GALNT9: variants seen among roughly 807,000 people sequenced by gnomAD.
GALNT9 encodes GalNAc transferase 9.
GALNT9 carries 47 observed loss-of-function variants against 63.1 expected under a neutral mutation model. That is an observed-to-expected ratio of 0.75 (90% confidence interval 0.59 to 0.95). GALNT9 has a LOEUF of 0.95. Ranked by LOEUF, GALNT9 falls within the 40% of genes least tolerant of loss-of-function variation. GALNT9 has a pLI of 0.00. For missense variants in GALNT9, 829 were observed against 874.8 expected (o/e 0.95, Z 0.66); for synonymous variants, 396 against 365.7 (o/e 1.08, Z -0.94).
chr12:132,304,838 C>T (rs1458813589), intron 1 of GALNT9, among the ~76,000 whole-genome samples: 4 of 61,008 alleles, frequency 6.6e-5, no homozygotes, highest in Non-Finnish European at 1.2e-4. Context: ...CACCCTCGCC[C>T]GGGCACACCC....
Position 132,296,277 on chromosome 12 carries a change from G to C in GALNT9, c.239-9847C>G, listed in dbSNP as rs1412436481. ...GGCAGCCCCAAGAGATGACCGCACA[G>C]CCTCATGCTCACGCCAGCCGTCCAG... On this transcript the variant is annotated intron_variant, in intron 1 of 10. Transcript: ENST00000328957. The surrounding 1 kb of genome is among the most constrained non-coding windows in gnomAD (Gnocchi z 4.2). 6.6e-6 allele frequency among the ~76,000 whole-genome samples: 1 copy of C among 152,240 alleles called. No homozygotes were observed. The highest frequency in any genetic ancestry group is 2.4e-5 in the African/African-American group (1 of 41,468).
Position 132,260,487 on chromosome 12 carries a change from G to T in GALNT9, c.761+461C>A, listed in dbSNP as rs1015149224. On this transcript the variant is annotated intron_variant, in intron 4 of 10. Transcript: ENST00000328957. The stretch of plus-strand genomic sequence containing the variant: ...GCCCCTTGCACTAGGCTAAGGCCTC[G>T]GGGGCACTCGTGGCCATCTCCAGTG... 2.0e-5 allele frequency among the ~76,000 whole-genome samples: 3 copies of T among 152,208 alleles called. No homozygotes were observed. In the South Asian group the frequency reaches 6.2e-4, roughly 32 times the overall value.
chr12:132,318,939 C>T (rs1473867381), intron 1 of GALNT9, among the ~76,000 whole-genome samples: 2 of 152,254 alleles, frequency 1.3e-5, no homozygotes, highest in Non-Finnish European at 2.9e-5. Flanking sequence ...TGTCCCCAGA[C>T]ATCCCTGCGG....
intron 1 of GALNT9, among the ~76,000 whole-genome samples, chr12:132,303,152 T>C (rs1229486912): frequency 6.6e-6 from 1 of 152,002 alleles, no homozygotes; most frequent in Non-Finnish European, 1.5e-5. Flanking sequence ...GTCACCCCTG[T>C]GGCCTTCACC....
rs1464030142 is a variant in GALNT9, at chr12:132,329,034, A to G, written c.170T>C (p.Leu57Pro). ...CTGCAGGATGGCCTCACGGTCCCCC[A>G]GCGTGCCCACCTTGGCGTGTCGGCT... is the stretch of plus-strand genomic sequence containing the variant. Reference protein sequence around the residue: ...VRSRHAKVGTLGDREAILQRL... With the variant: ...VRSRHAKVGTPGDREAILQRL... Residue 57 changes from leucine (L) to proline (P), a missense_variant, in exon 1 of 11, where the codon CTG (leucine) becomes CCG (proline). Physicochemically the swap from Leu to Pro is moderately conservative, Grantham distance 98. Coordinates refer to ENST00000328957, the MANE Select transcript of GALNT9 (RefSeq NM_001122636.2). 3.9e-6 allele frequency: 6 copies of G among 1,545,326 alleles called. No individual in the cohort carries two copies. The Admixed American group carries it at 7.9e-5, about 20-fold the overall frequency.
At chr12:132,311,863 A>C (rs1203530924) in intron 1 of GALNT9, among the ~76,000 whole-genome samples, 1 of 152,230 alleles carries the variant, frequency 6.6e-6, no homozygotes, top group Non-Finnish European at 1.5e-5. Context: ...CAGCAGGCAG[A>C]GTGTCCCACC....
rs1233272022 is a variant in GALNT9, at chr12:132,287,072, C to CT, written c.239-643_239-642insA. ...CACTGAGTGAGCGCCCCCCCCCCCC[C>CT]CCGTGAGCCACAGCCCTCAGTGAGT... On this transcript the variant is annotated intron_variant, in intron 1 of 10. Coordinates refer to ENST00000328957, the MANE Select transcript of GALNT9 (RefSeq NM_001122636.2). Among the ~76,000 whole-genome samples the CT allele has an allele frequency of 2.0e-4, 21 of 107,606 alleles. 1 individual carries two copies. The East Asian group carries it at 3.5e-3, about 18-fold the overall frequency. 70.6% of individuals were successfully genotyped at this position (107,606 alleles called of 152,430 possible).
At chr12:132,217,411 C>T (rs1331091213) in intron 6 of GALNT9, among the ~76,000 whole-genome samples, 1 of 147,520 alleles carries the variant, frequency 6.8e-6, no homozygotes, top group African/African-American at 2.5e-5. Flanking sequence ...CATTCATCTA[C>T]ATGCACTCAT....
intron 6 of GALNT9, among the ~76,000 whole-genome samples, chr12:132,213,126 G>A (rs61432470): frequency 2.6e-3 from 72 of 28,058 alleles, no homozygotes; most frequent in East Asian, 5.3e-3. Context: ...ACCTCGACAC[G>A]GAAACCCCAC....
At chr12:132,213,059 G>A (rs184474849) in intron 6 of GALNT9, among the ~76,000 whole-genome samples, 141 of 115,084 alleles carry the variant, frequency 1.2e-3, no homozygotes, top group African/African-American at 4.5e-3. Context: ...AACCCCACCC[G>A]GGTCTGCAGC....
chr12:132,201,322 A>AACC, intron 7 of GALNT9, 61 bp from the exon 8 acceptor site: 1 of 1,240,412 alleles, frequency 8.1e-7, no homozygotes, highest in Non-Finnish European at 1.2e-6. Context: ...GGTCTTCCCC[A>AACC]TAATGAGGTT....
intron 1 of GALNT9, among the ~76,000 whole-genome samples, chr12:132,323,098 G>A (rs1341030456): frequency 6.6e-6 from 1 of 152,230 alleles, no homozygotes; most frequent in Non-Finnish European, 1.5e-5. Flanking sequence ...CGGGTCTCAA[G>A]ACATGGATCC....
chr12:132,222,964 A>C, intron 6 of GALNT9, among the ~76,000 whole-genome samples: 1 of 141,324 alleles, frequency 7.1e-6, no homozygotes, highest in Non-Finnish European at 1.5e-5. Flanking sequence ...CACACCCCAC[A>C]CAACCCGCAC....
chr12:132,257,612 T>C, intron 5 of GALNT9, 77 bp downstream of exon 5: 1 of 1,110,344 alleles, frequency 9.0e-7, no homozygotes, highest in South Asian at 1.6e-5. Context: ...TCCCTGGCCC[T>C]CGTCCCCACG....
chr12:132,198,085 A>C (rs1593457012), intron 9 of GALNT9, 126 bp from the exon 10 acceptor site: 1 of 745,128 alleles, frequency 1.3e-6, no homozygotes, highest in Non-Finnish European at 2.1e-6. Flanking sequence ...GGAGCCTCCC[A>C]CCCCGGGGAC....
At chr12:132,326,024 T>G (rs1056023720) in intron 1 of GALNT9, among the ~76,000 whole-genome samples, 5 of 152,254 alleles carry the variant, frequency 3.3e-5, no homozygotes, top group Non-Finnish European at 7.3e-5. Context: ...GCCTTAGCGC[T>G]GCCCAGGCCT....
At chr12:132,304,378 C>T (rs1222837297) in intron 1 of GALNT9, among the ~76,000 whole-genome samples, 48 of 120,638 alleles carry the variant, frequency 4.0e-4, no homozygotes, top group African/African-American at 1.6e-3. Context: ...CTCACCCGGG[C>T]ACACCCTCAC....
intron 6 of GALNT9, among the ~76,000 whole-genome samples, chr12:132,239,116 T>G (rs1878109421): frequency 6.6e-6 from 1 of 151,598 alleles, no homozygotes; most frequent in Non-Finnish European, 1.5e-5. Context: ...TGAGGGAGAA[T>G]TTTTTATCTT....
At chr12:132,309,867 C>A (rs550425943) in intron 1 of GALNT9, among the ~76,000 whole-genome samples, 1 of 152,228 alleles carries the variant, frequency 6.6e-6, no homozygotes, top group Non-Finnish European at 1.5e-5. Context: ...AGCAGACGCC[C>A]GGGCCACCAC....
Sources: allele counts gnomAD v4.1 joint callset (sites outside exome capture counted in the v4.1 genomes callset), GRCh38; gene constraint gnomAD v4.1.1; non-coding constraint Gnocchi (gnomAD v3.1); transcripts MANE v1.5; gene names NCBI Gene and HGNC (gene_info 2026-07-23, HGNC 2026-07-21).